CCDC170: variants seen among roughly 807,000 people sequenced by gnomAD.
The protein encoded by CCDC170 is coiled-coil domain containing 170.
Under a neutral mutation model 72.6 loss-of-function variants are expected in CCDC170, and 69 were observed. The ratio of observed to expected loss-of-function variants is 0.95; its 90% CI spans 0.78 to 1.16. The LOEUF is 1.16. Among genes scored for constraint, CCDC170 ranks in the 50% most tolerant of loss-of-function variants. The pLI is 0.00. For synonymous variants in CCDC170, 300 were observed against 303.9 expected, an observed-to-expected ratio of 0.99 and a Z score of 0.13; for missense variants, 852 against 832.5, an observed-to-expected ratio of 1.02 and a Z score of -0.29.
intron 1 of CCDC170, among the ~76,000 whole-genome samples, chr6:151,518,575 C>A (rs1255102887): frequency 7.7e-6 from 1 of 130,638 alleles, no homozygotes; most frequent in Non-Finnish European, 1.7e-5. Context: ...AGAGCAGCCT[C>A]GAGGGCTGCT....
chr6:151,514,538 T>C (rs1403247248), intron 1 of CCDC170, among the ~76,000 whole-genome samples: 1 of 152,096 alleles, frequency 6.6e-6, no homozygotes, highest in African/African-American at 2.4e-5. Flanking sequence ...GAAACAGCGA[T>C]GAAAGCTCTG....
chr6:151,616,548 C>T (rs1776971627), intron 10 of CCDC170, among the ~76,000 whole-genome samples: 1 of 151,952 alleles, frequency 6.6e-6, no homozygotes, highest in African/African-American at 2.4e-5. Flanking sequence ...AATGAGCGTT[C>T]TCAGAAAGGA....
intron 7 of CCDC170, among the ~76,000 whole-genome samples, chr6:151,587,000 G>A (rs1776460908): frequency 6.6e-6 from 1 of 151,948 alleles, no homozygotes; most frequent in Admixed American, 6.6e-5. Context: ...TAGCTGGGGT[G>A]GTCTCGATCT....
At chr6:151,556,441 C>A (rs568686999) in intron 5 of CCDC170, among the ~76,000 whole-genome samples, 1 of 152,154 alleles carries the variant, frequency 6.6e-6, no homozygotes, top group African/African-American at 2.4e-5. Flanking sequence ...GGCGACAAAG[C>A]GAGACCCTGT....
intron 5 of CCDC170, among the ~76,000 whole-genome samples, chr6:151,549,375 T>G (rs988848168): frequency 2.4e-4 from 36 of 152,084 alleles, no homozygotes; most frequent in African/African-American, 7.5e-4. Flanking sequence ...TACAAAACAC[T>G]TAAAATTAAA....
At chr6:151,508,933 T>C (rs1782102322) in intron 1 of CCDC170, among the ~76,000 whole-genome samples, 1 of 151,064 alleles carries the variant, frequency 6.6e-6, no homozygotes, top group African/African-American at 2.4e-5. Flanking sequence ...GAGAATCACT[T>C]GAACCCAGGA....
Position 151,606,767 on chromosome 6 carries a change from C to A in CCDC170, c.1711-8676C>A, listed in dbSNP as rs529144580. ...TAATGGAATTTATCTCTCTTGTTAT[C>A]TCTAACAATATTTGCTTTATGTATC... On this transcript the variant is annotated intron_variant, in intron 9 of 10. Coordinates refer to ENST00000239374, the MANE Select transcript of CCDC170 (RefSeq NM_025059.4). Among the ~76,000 whole-genome samples, 3 of 152,136 alleles carry A rather than the reference C, an allele frequency of 2.0e-5. No individual in the cohort carries two copies. The East Asian group carries it at 5.8e-4, about 29-fold the overall frequency.
At position 151,593,261 on chromosome 6, in the gene CCDC170, C is replaced by T. The variant is rs200841666; in HGVS notation, c.1448C>T (p.Ala483Val). ...GCAGTCATTGAGAACAAGACCATTG[C>T]CCACAATTTGCAGAGAAAGGTAGGA... ...SNAVIENKTI[A>V]HNLQRKLKTQ... is the part of the protein sequence containing the mutation. The change falls in exon 8 of 11, where the codon GCC becomes GTC. Residue 483 changes from alanine to valine, a missense_variant. Physicochemically the swap from Ala to Val is moderately conservative, Grantham distance 64. Transcript: ENST00000239374. The T allele has an allele frequency of 3.1e-6, 5 of 1,613,656 alleles. No individual in the cohort carries two copies. The highest frequency in any genetic ancestry group is 3.3e-4 in the Middle Eastern group (2 of 6,060).
chr6:151,610,587 C>T (rs925800029), intron 9 of CCDC170, among the ~76,000 whole-genome samples: 2 of 152,220 alleles, frequency 1.3e-5, no homozygotes, highest in African/African-American at 2.4e-5. Flanking sequence ...CATTCTGTTA[C>T]ATGACCACAA....
chr6:151,545,317 G>T (rs1197918778), intron 4 of CCDC170, among the ~76,000 whole-genome samples: 4 of 152,044 alleles, frequency 2.6e-5, no homozygotes, highest in Admixed American at 6.6e-5. Context: ...TAATTGGAAG[G>T]CTGAGACAGG....
chr6:151,538,777 G>C (rs1227280162), intron 3 of CCDC170, among the ~76,000 whole-genome samples: 1 of 152,084 alleles, frequency 6.6e-6, no homozygotes, highest in Admixed American at 6.6e-5. Context: ...TCTGACAAGA[G>C]GTGATTATTG....
intron 7 of CCDC170, among the ~76,000 whole-genome samples, chr6:151,592,235 C>A: frequency 6.6e-6 from 1 of 152,112 alleles, no homozygotes; most frequent in East Asian, 1.9e-4. Context: ...TGGCACGTGC[C>A]TGTAATCCCA....
intron 1 of CCDC170, among the ~76,000 whole-genome samples, chr6:151,520,121 C>T (rs570796321): frequency 9.9e-5 from 15 of 152,244 alleles, no homozygotes; most frequent in Non-Finnish European, 1.8e-4. Context: ...CATTCATTCA[C>T]TTAATTCTAC....
At chr6:151,589,044 A>G (rs576931731) in intron 7 of CCDC170, among the ~76,000 whole-genome samples, 7 of 152,064 alleles carry the variant, frequency 4.6e-5, no homozygotes, top group Non-Finnish European at 1.0e-4. Flanking sequence ...ACTTGAGGTC[A>G]GAAGTTCAAG....
intron 1 of CCDC170, among the ~76,000 whole-genome samples, chr6:151,510,063 C>A (rs75540901): frequency 6.6e-6 from 1 of 152,106 alleles, no homozygotes; most frequent in African/African-American, 2.4e-5. Context: ...GTGGAGGTTG[C>A]GGTGAGAAAA....
rs758418122 is a variant in CCDC170 at position 151,494,142 on chromosome 6, G to T, written c.14G>T (p.Cys5Phe). Residue 5 changes from cysteine to phenylalanine, a missense_variant, in exon 1 of 11, where the codon TGC becomes TTC. Coordinates refer to ENST00000239374, the MANE Select transcript of CCDC170 (RefSeq NM_025059.4). ...GCTCGGGTCGTCATGAGCCTGGACT[G>T]CACCAGCCATATCGCGCTGGGTGCC... Reference protein sequence around the residue: MSLDCTSHIALGAAS... With the variant: MSLDFTSHIALGAAS... 5 of 1,514,384 alleles carry T rather than the reference G, an allele frequency of 3.3e-6. No homozygotes were observed. The allele number at this position is 1,514,384 out of a possible 1,614,324, so 93.8% of individuals were successfully genotyped here. A position where few individuals can be genotyped will look rare whatever the true frequency, so the allele number is the denominator to read the frequency against.
chr6:151,567,455 C>G (rs138169015), intron 5 of CCDC170, among the ~76,000 whole-genome samples: 1 of 152,144 alleles, frequency 6.6e-6, no homozygotes, highest in African/African-American at 2.4e-5. Flanking sequence ...TGGTCTCAAA[C>G]TCCTGAGCTC....
chr6:151,553,107 A>C (rs1280608787), intron 5 of CCDC170, among the ~76,000 whole-genome samples: 1 of 152,044 alleles, frequency 6.6e-6, no homozygotes, highest in East Asian at 1.9e-4. Context: ...TTCTTTAAAG[A>C]GCTTTGGTTC....
At chr6:151,534,117 T>G (rs1322553772) in intron 1 of CCDC170, among the ~76,000 whole-genome samples, 4 of 150,930 alleles carry the variant, frequency 2.7e-5, no homozygotes, top group Non-Finnish European at 5.9e-5. Flanking sequence ...GAGGTTGGAG[T>G]GCAGTGGTGC....
Sources: allele counts gnomAD v4.1 joint callset (sites outside exome capture counted in the v4.1 genomes callset), GRCh38; gene constraint gnomAD v4.1.1; transcripts MANE v1.5; gene names NCBI Gene and HGNC (gene_info 2026-07-23, HGNC 2026-07-21).